Variants in GPC5 observed in about 807,000 individuals in gnomAD.
GPC5 encodes the protein glypican-5.
Under a neutral mutation model 53.9 loss-of-function variants are expected in GPC5, and 47 were observed. That is an observed-to-expected ratio of 0.87 (90% CI 0.69 to 1.11). The LOEUF (loss-of-function observed/expected upper bound fraction) is 1.11, where lower values mean the gene tolerates loss of function less well. Ranked by LOEUF, GPC5 falls within the 50% of genes most tolerant of loss-of-function variation. The pLI is 0.00. For synonymous variants in GPC5, 286 were observed against 263.3 expected, an observed-to-expected ratio of 1.09 and a Z score of -0.84; for missense variants, 748 against 713.1, an observed-to-expected ratio of 1.05 and a Z score of -0.56.
chr13:91,597,297 T>C (rs555989167), intron 2 of GPC5, among the ~76,000 whole-genome samples: 6 of 152,368 alleles, frequency 3.9e-5, no homozygotes, highest in Admixed American at 2.0e-4. Flanking sequence ...TTTTCGTTAG[T>C]ATAATTAATT....
chr13:92,542,330 T>C (rs1175306139), intron 7 of GPC5, among the ~76,000 whole-genome samples: 4 of 151,980 alleles, frequency 2.6e-5, no homozygotes, highest in Non-Finnish European at 5.9e-5. Flanking sequence ...ACCATATTTA[T>C]TCCCCTGAAT....
chr13:91,892,146 A>G (rs1461596403), intron 5 of GPC5, among the ~76,000 whole-genome samples: 2 of 152,026 alleles, frequency 1.3e-5, no homozygotes, highest in East Asian at 3.8e-4. Flanking sequence ...AACAAAAAAT[A>G]TGACTGGTGA....
At chr13:91,759,804 A>C (rs2138652762) in intron 5 of GPC5, among the ~76,000 whole-genome samples, 1 of 152,242 alleles carries the variant, frequency 6.6e-6, no homozygotes, top group South Asian at 2.1e-4. Context: ...TAGCAGTCAA[A>C]TTGATACATA....
intron 2 of GPC5, among the ~76,000 whole-genome samples, chr13:91,640,386 G>A (rs1298457216): frequency 3.3e-5 from 5 of 152,104 alleles, no homozygotes; most frequent in African/African-American, 4.8e-5. Context: ...AAAGCTCAAC[G>A]TTCATGATCA....
rs1342463101 is a variant in GPC5 at position 91,801,161 on chromosome 13, C to T, written c.1280+44741C>T. ...ATCAAAGCCATTAACAGTAAGAAAG[C>T]ATTTGTTTAATCTCATCATCACTCT... is the stretch of plus-strand genomic sequence containing the variant. On this transcript the variant is annotated intron_variant, in intron 5 of 7. Coordinates refer to ENST00000377067, the MANE Select transcript of GPC5 (RefSeq NM_004466.6). Among the ~76,000 whole-genome samples, 5 of 151,842 alleles carry T rather than the reference C, an allele frequency of 3.3e-5. No homozygotes were observed. The East Asian group carries it at 9.7e-4, about 29-fold the overall frequency.
At chr13:92,670,078 C>G (rs568791974) in intron 7 of GPC5, among the ~76,000 whole-genome samples, 2 of 152,274 alleles carry the variant, frequency 1.3e-5, no homozygotes, top group African/African-American at 4.8e-5. Context: ...GCGCCTAGCA[C>G]AGTCCTTAGC....
chr13:92,729,785 A>AT lies in GPC5; in HGVS notation c.1562-136488dup, dbSNP rs150365852. 3.0e-3 allele frequency among the ~76,000 whole-genome samples: 447 copies of AT among 150,306 alleles called. 4 individuals carry two copies. The highest frequency in any genetic ancestry group is 7.3e-3 in the African/African-American group (302 of 41,212). ...AATCCAGAGTCTGATTTATCCTGCAATTTTTTTTTACCACAAATCAATTTA... is the reference window on the plus strand; with the variant it reads ...AATCCAGAGTCTGATTTATCCTGCAATTTTTTTTTTACCACAAATCAATTTA... On this transcript the variant is annotated intron_variant, in intron 7 of 7. Transcript: ENST00000377067.
chr13:92,441,117 G>A (rs1207703415), intron 7 of GPC5, among the ~76,000 whole-genome samples: 1 of 152,114 alleles, frequency 6.6e-6, no homozygotes, highest in African/African-American at 2.4e-5. Flanking sequence ...TGTGACCCCG[G>A]CTGGGGTGCA....
At chr13:91,796,376 A>C (rs1179710963) in intron 5 of GPC5, among the ~76,000 whole-genome samples, 1 of 152,166 alleles carries the variant, frequency 6.6e-6, no homozygotes, top group African/African-American at 2.4e-5. Context: ...AGCAATCAGC[A>C]GTGGTGGACA....
At chr13:92,503,307 A>G (rs1347615908) in intron 7 of GPC5, among the ~76,000 whole-genome samples, 1 of 151,854 alleles carries the variant, frequency 6.6e-6, no homozygotes. Flanking sequence ...CATCAGTCAA[A>G]GAAAACATCA....
At chr13:91,768,188 C>A (rs1246383965) in intron 5 of GPC5, among the ~76,000 whole-genome samples, 1 of 152,052 alleles carries the variant, frequency 6.6e-6, no homozygotes, top group African/African-American at 2.4e-5. Flanking sequence ...GGCACCTATT[C>A]ATAATATATT....
rs190198508 is a variant in GPC5, at chr13:92,235,159, G to T, written c.1561+90170G>T. 7.9e-5 allele frequency among the ~76,000 whole-genome samples: 12 copies of T among 152,098 alleles called. No individual in the cohort carries two copies. In the East Asian group the frequency reaches 2.1e-3, roughly 27 times the overall value. On this transcript the variant is annotated intron_variant, in intron 7 of 7. Transcript: ENST00000377067. Reference sequence around the variant, plus strand: ...CCTCGGCTTTATATACTTAATAAAGGTTATTATTTTACTTACTCCAGGATC... The same window carrying T: ...CCTCGGCTTTATATACTTAATAAAGTTTATTATTTTACTTACTCCAGGATC...
chr13:92,141,980 T>G (rs547459899), intron 6 of GPC5, among the ~76,000 whole-genome samples: 1 of 152,132 alleles, frequency 6.6e-6, no homozygotes, highest in Non-Finnish European at 1.5e-5. Flanking sequence ...CATGGGCCCC[T>G]GCATGCAAGC....
At chr13:91,853,955 G>A (rs907286784) in intron 5 of GPC5, among the ~76,000 whole-genome samples, 1 of 151,792 alleles carries the variant, frequency 6.6e-6, no homozygotes, top group Non-Finnish European at 1.5e-5. Flanking sequence ...ATTCCTCAGA[G>A]TAACATAATA....
At chr13:91,719,962 T>C (rs1223988950) in intron 3 of GPC5, among the ~76,000 whole-genome samples, 4 of 152,222 alleles carry the variant, frequency 2.6e-5, no homozygotes, top group African/African-American at 4.8e-5. Context: ...ATTCAGGTTA[T>C]ATGTTTAAAC....
intron 6 of GPC5, among the ~76,000 whole-genome samples, chr13:92,057,004 C>G (rs1259367678): frequency 9.2e-5 from 14 of 152,102 alleles, no homozygotes; most frequent in Non-Finnish European, 1.9e-4. Context: ...AAAAATTGAC[C>G]ATGAATTCTT....
chr13:92,309,929 T>C (rs576343776), intron 7 of GPC5, among the ~76,000 whole-genome samples: 1 of 152,224 alleles, frequency 6.6e-6, no homozygotes, highest in South Asian at 2.1e-4. Context: ...TTTTATCCCC[T>C]GGCAGTCTTC....
At chr13:92,237,418 C>T (rs1026382860) in intron 7 of GPC5, among the ~76,000 whole-genome samples, 64 of 152,030 alleles carry the variant, frequency 4.2e-4, no homozygotes, top group African/African-American at 1.5e-3. Flanking sequence ...TGGGGTTTCA[C>T]CATGTTGGCC....
chr13:92,849,333 G>A (rs1878715517), intron 7 of GPC5, among the ~76,000 whole-genome samples: 1 of 152,180 alleles, frequency 6.6e-6, no homozygotes. Flanking sequence ...AGAATATTTA[G>A]AGGTTGAAGT....
Sources: gnomAD v4.1 joint callset for allele counts (sites outside exome capture counted in the v4.1 genomes callset) on GRCh38, gnomAD v4.1.1 for gene constraint, MANE v1.5 for transcripts, NCBI Gene and HGNC (gene_info 2026-07-23, HGNC 2026-07-21) for gene names.